Variants in GRM7 observed in about 807,000 individuals in gnomAD.
GRM7 encodes the protein metabotropic glutamate receptor 7.
In GRM7, 35 loss-of-function variants were observed where a neutral mutation model predicts 84.5. The ratio of observed to expected loss-of-function variants is 0.41; its 90% CI spans 0.32 to 0.55. GRM7 has a LOEUF of 0.55. GRM7 is among the 20% of genes least tolerant of loss of function. The pLI is 0.19. For missense variants in GRM7, 1,003 were observed against 1,194.6 expected (o/e 0.84, Z 2.36); for synonymous variants, 487 against 455.1 (o/e 1.07, Z -0.89).
chr3:7,272,224 A>T (rs1438231809), intron 2 of GRM7, among the ~76,000 whole-genome samples: 1 of 151,994 alleles, frequency 6.6e-6, no homozygotes, highest in Non-Finnish European at 1.5e-5. Flanking sequence ...TTTGTAATAT[A>T]TACTATCTCT....
At chr3:7,408,919 A>G (rs1695795960) in intron 4 of GRM7, among the ~76,000 whole-genome samples, 1 of 152,158 alleles carries the variant, frequency 6.6e-6, no homozygotes, top group Non-Finnish European at 1.5e-5. Flanking sequence ...TCATTTTCCA[A>G]ATATCCAACT....
At chr3:7,579,699 T>G (rs9849564) in intron 8 of GRM7, among the ~76,000 whole-genome samples, 84,297 of 151,822 alleles carry the variant, frequency 0.56, 23,625 homozygotes, top group Non-Finnish European at 0.57. Flanking sequence ...ACATATTTTT[T>G]GGGGGTAGGA....
chr3:7,107,982 G>C (rs1160831778), intron 1 of GRM7, among the ~76,000 whole-genome samples: 1 of 151,992 alleles, frequency 6.6e-6, no homozygotes, highest in Non-Finnish European at 1.5e-5. Flanking sequence ...GCAAGATGGG[G>C]AGAGAGAGCA....
At chr3:7,162,711 C>T (rs1378652750) in intron 2 of GRM7, among the ~76,000 whole-genome samples, 1 of 136,322 alleles carries the variant, frequency 7.3e-6, no homozygotes, top group Non-Finnish European at 1.5e-5. Flanking sequence ...TTGCAATCTC[C>T]CATTACTCCC....
intron 4 of GRM7, among the ~76,000 whole-genome samples, chr3:7,339,305 T>C (rs1210013556): frequency 6.6e-6 from 1 of 152,084 alleles, no homozygotes; most frequent in Non-Finnish European, 1.5e-5. Flanking sequence ...GCCAGCTCTT[T>C]TGTTTCATTG....
chr3:7,640,078 C>T (rs1698295298), intron 8 of GRM7, among the ~76,000 whole-genome samples: 1 of 152,128 alleles, frequency 6.6e-6, no homozygotes, highest in Admixed American at 6.6e-5. Context: ...ACATCCTTGC[C>T]TAACAAATGA....
chr3:7,130,960 C>A (rs757248135), intron 1 of GRM7, among the ~76,000 whole-genome samples: 1 of 152,130 alleles, frequency 6.6e-6, no homozygotes, highest in East Asian at 1.9e-4. Flanking sequence ...CACACACACA[C>A]GCACACACGT....
At chr3:7,037,437 A>G (rs1696426356) in intron 1 of GRM7, among the ~76,000 whole-genome samples, 1 of 152,170 alleles carries the variant, frequency 6.6e-6, no homozygotes, top group African/African-American at 2.4e-5. Flanking sequence ...CTGTTTCCTC[A>G]TCTTAAAAAC....
chr3:7,055,507 A>G lies in GRM7; in HGVS notation c.520-90945A>G, dbSNP rs61183804. ...TGTGTGTGTGTGTGTGTGTGTGTGTATGTATATATATATATACATACACAC... is the reference window on the plus strand; with the variant it reads ...TGTGTGTGTGTGTGTGTGTGTGTGTGTGTATATATATATATACATACACAC... On this transcript the variant is annotated intron_variant, in intron 1 of 9. Coordinates refer to ENST00000357716, the MANE Select transcript of GRM7 (RefSeq NM_000844.4). 2.0e-4 allele frequency among the ~76,000 whole-genome samples: 28 copies of G among 136,900 alleles called. No homozygotes were observed. The South Asian group carries it at 3.1e-3, about 15-fold the overall frequency. The allele number at this position is 136,900 out of a possible 152,430, so 89.8% of individuals were successfully genotyped here. A position where few individuals can be genotyped will look rare whatever the true frequency, so the allele number is the denominator to read the frequency against.
At chr3:7,256,352 T>C (rs1402434871) in intron 2 of GRM7, among the ~76,000 whole-genome samples, 1 of 152,226 alleles carries the variant, frequency 6.6e-6, no homozygotes, top group Non-Finnish European at 1.5e-5. Context: ...TAAACATTTA[T>C]TGACTAAATA....
At chr3:7,560,258 A>G (rs1056822541) in intron 7 of GRM7, 8 of 152,008 alleles carry the variant, frequency 5.3e-5, no homozygotes, top group Non-Finnish European at 1.2e-4. Flanking sequence ...GTCTACATAC[A>G]AAAAAGGAAA....
At chr3:7,059,831 T>G (rs999948298) in intron 1 of GRM7, among the ~76,000 whole-genome samples, 1 of 151,768 alleles carries the variant, frequency 6.6e-6, no homozygotes, top group African/African-American at 2.4e-5. Context: ...AACCAAAACA[T>G]TGGTCTTCTC....
chr3:7,246,434 T>C lies in GRM7; in HGVS notation c.737-52250T>C, dbSNP rs75929112. On this transcript the variant is annotated intron_variant, in intron 2 of 9. Coordinates refer to ENST00000357716, the MANE Select transcript of GRM7 (RefSeq NM_000844.4). ...CAAGAGAGATTGGCTCCTGTGTGCA[T>C]AGGGCTTCTCAAGAGCGTAGACCTC... is the stretch of plus-strand genomic sequence containing the variant. Among the ~76,000 whole-genome samples, 703 of 152,282 alleles carry C rather than the reference T, an allele frequency of 4.6e-3. 2 individuals are homozygous for C. The highest frequency in any genetic ancestry group is 0.015 in the African/African-American group (638 of 41,578).
chr3:7,316,374 TAAG>T (rs956077879), intron 4 of GRM7, among the ~76,000 whole-genome samples: 1 of 151,882 alleles, frequency 6.6e-6, no homozygotes, highest in Non-Finnish European at 1.5e-5. Context: ...GAATATAGGG[TAAG>T]AAGGATAATA....
At position 7,415,144 on chromosome 3, in the gene GRM7, C is replaced by A. The variant is rs200435397; in HGVS notation, c.1155C>A (p.Asp385Glu). Residue 385 changes from aspartate to glutamate, a missense_variant, in exon 5 of 10, where the codon GAC becomes GAA. Physicochemically the swap from Asp to Glu is conservative, Grantham distance 45. Coordinates refer to ENST00000357716, the MANE Select transcript of GRM7 (RefSeq NM_000844.4). ...KLTISGSKKE[D>E]TDRKCTGQER... ...CGATTAGTGGGTCAAAAAAAGAAGACACAGATCGCAAATGCACAGGTAATT... is the reference window on the plus strand; with the variant it reads ...CGATTAGTGGGTCAAAAAAAGAAGAAACAGATCGCAAATGCACAGGTAATT... The A allele has an allele frequency of 1.1e-4, 178 of 1,612,996 alleles. No individual in the cohort carries two copies. The East Asian group carries it at 3.8e-3, about 35-fold the overall frequency.
rs1694740577 is a variant in GRM7 at position 6,861,174 on chromosome 3, G to T, written c.-215G>T. The T allele has an allele frequency of 2.3e-6, 1 of 436,984 alleles. No individual in the cohort carries two copies. The highest frequency in any genetic ancestry group is 2.1e-5 in the African/African-American group (1 of 48,454). The allele number at this position is 436,984 out of a possible 1,614,324, so 27.1% of individuals were successfully genotyped here. On this transcript the variant is annotated 5_prime_UTR_variant, in exon 1 of 10. Transcript: ENST00000357716. The surrounding 1 kb of genome is among the most constrained non-coding windows in gnomAD (Gnocchi z 6.4). ...CGGTGAGCGCGAGCGCGGCGCGCCG[G>T]CCGGCTAACCCGAGAGCGCGAGGCG...
At chr3:7,721,836 T>C (rs1051846734) in intron 9 of GRM7, among the ~76,000 whole-genome samples, 4 of 152,200 alleles carry the variant, frequency 2.6e-5, no homozygotes, top group African/African-American at 9.7e-5. Context: ...TAAGAAACTG[T>C]CATTTTTGGC....
At chr3:7,148,303 G>C (rs1401020617) in intron 2 of GRM7, among the ~76,000 whole-genome samples, 1 of 152,168 alleles carries the variant, frequency 6.6e-6, no homozygotes, top group African/African-American at 2.4e-5. Context: ...GAATTGAATA[G>C]ATAAAATAAG....
intron 7 of GRM7, among the ~76,000 whole-genome samples, chr3:7,565,628 G>A (rs1426643435): frequency 6.6e-6 from 1 of 152,184 alleles, no homozygotes; most frequent in Non-Finnish European, 1.5e-5. Flanking sequence ...ATTGTGCACA[G>A]TTATATGGGA....
Sources: allele counts gnomAD v4.1 joint callset (sites outside exome capture counted in the v4.1 genomes callset), GRCh38; gene constraint gnomAD v4.1.1; non-coding constraint Gnocchi (gnomAD v3.1); transcripts MANE v1.5; gene names NCBI Gene and HGNC (gene_info 2026-07-23, HGNC 2026-07-21).